Variants in SDK1 observed in about 807,000 individuals in gnomAD.
The protein encoded by SDK1 is sidekick cell adhesion molecule 1, also known as protein sidekick-1.
SDK1 carries 157 observed loss-of-function variants against 245.5 expected under a neutral mutation model. That is an observed-to-expected ratio of 0.64 (90% CI 0.56 to 0.73). SDK1 has a LOEUF of 0.73. Ranked by LOEUF, SDK1 falls within the 30% of genes least tolerant of loss-of-function variation. The probability of loss-of-function intolerance (pLI) is 0.00; values close to 1 mark genes in which losing one functional copy is unlikely to be tolerated. For missense variants in SDK1, 3,583 were observed against 3,002.3 expected (o/e 1.19, Z -4.52); for synonymous variants, 1,647 against 1,278.5 (o/e 1.29, Z -6.15).
At chr7:4,009,854 A>G (rs1309286164) in intron 14 of SDK1, among the ~76,000 whole-genome samples, 1 of 152,230 alleles carries the variant, frequency 6.6e-6, no homozygotes, top group African/African-American at 2.4e-5. Flanking sequence ...GGTGATTGGT[A>G]AGGAGCTGGA....
intron 30 of SDK1, among the ~76,000 whole-genome samples, chr7:4,158,089 G>T (rs569754381): frequency 4.6e-5 from 7 of 152,178 alleles, no homozygotes; most frequent in Non-Finnish European, 1.0e-4. Context: ...CCAGTGAGGG[G>T]TTGGCACTGC....
In SDK1 at chr7:4,145,906, C is replaced by G; in HGVS notation, c.4413C>G (p.Thr1471=). 1 of 1,606,696 alleles carries G rather than the reference C, an allele frequency of 6.2e-7. No homozygotes were observed. The highest frequency in any genetic ancestry group is 8.5e-7 in the Non-Finnish European group (1 of 1,176,806). The change falls in exon 29 of 45, where the codon ACC becomes ACG. Residue 1471 remains threonine, a synonymous_variant. Coordinates refer to ENST00000404826, the MANE Select transcript of SDK1 (RefSeq NM_152744.4). ...GEPLEATVIT[T]EKRERPAPPR... Reference sequence around the variant, plus strand: ...CACTGGAGGCCACCGTCATCACCACCGAGAAGAGAGGTAAGACCTTGGGGG... The same window carrying G: ...CACTGGAGGCCACCGTCATCACCACGGAGAAGAGAGGTAAGACCTTGGGGG...
At chr7:3,692,104 G>T (rs1236631367) in intron 4 of SDK1, among the ~76,000 whole-genome samples, 1 of 152,088 alleles carries the variant, frequency 6.6e-6, no homozygotes, top group African/African-American at 2.4e-5. Flanking sequence ...AATTGAGTTG[G>T]AAGACAGACA....
intron 5 of SDK1, among the ~76,000 whole-genome samples, chr7:3,833,998 T>G (rs1292550727): frequency 2.0e-5 from 3 of 152,180 alleles, no homozygotes; most frequent in African/African-American, 4.8e-5. Context: ...ATTTTGAATA[T>G]CATCTCAACC....
At chr7:3,323,309 T>C (rs2128548204) in intron 1 of SDK1, among the ~76,000 whole-genome samples, 1 of 152,324 alleles carries the variant, frequency 6.6e-6, no homozygotes, top group African/African-American at 2.4e-5. Context: ...CCAATACATG[T>C]TTGAGTGAAT....
At chr7:3,732,142 G>C (rs1034879608) in intron 4 of SDK1, among the ~76,000 whole-genome samples, 1 of 152,194 alleles carries the variant, frequency 6.6e-6, no homozygotes, top group African/African-American at 2.4e-5. Context: ...TGTTAGCAGT[G>C]ACTACACAGA....
At chr7:4,145,528 C>T (rs1190312595) in intron 28 of SDK1, among the ~76,000 whole-genome samples, 194 bp from the exon 29 acceptor site, 1 of 152,100 alleles carries the variant, frequency 6.6e-6, no homozygotes, top group Non-Finnish European at 1.5e-5. Context: ...AAACAAGCTT[C>T]ACAGGGAAAT....
At chr7:4,232,310 G>A (rs1278689890) in intron 40 of SDK1, among the ~76,000 whole-genome samples, 4 of 150,854 alleles carry the variant, frequency 2.7e-5, no homozygotes, top group East Asian at 1.9e-4. Context: ...TCTAGCTCCA[G>A]GCTCCAGCAC....
intron 12 of SDK1, among the ~76,000 whole-genome samples, chr7:3,974,053 A>G (rs1483116004): frequency 2.0e-5 from 3 of 151,840 alleles, no homozygotes; most frequent in Non-Finnish European, 2.9e-5. Context: ...GCATGGTGGC[A>G]TACATCTGTG....
At position 4,011,099 on chromosome 7, in the gene SDK1, C is replaced by G; in HGVS notation, c.2265C>G (p.Ser755Arg). ...AVNEVGRGQY[S>R]AETSRLMLPE... ...ATGAAGTGGGCAGGGGCCAGTACAG[C>G]GCCGAGACAAGCAGGTGCGTGAATC... is the stretch of plus-strand genomic sequence containing the variant. The change falls in exon 15 of 45, where the codon AGC (serine) becomes AGG (arginine). Residue 755 changes from serine (S) to arginine (R), a missense_variant. Ser to Arg is a moderately radical substitution (Grantham distance 110). Coordinates refer to ENST00000404826, the MANE Select transcript of SDK1 (RefSeq NM_152744.4). 6.2e-7 allele frequency: 1 copy of G among 1,613,562 alleles called. No homozygotes were observed. The highest frequency in any genetic ancestry group is 1.3e-5 in the African/African-American group (1 of 75,006).
At chr7:3,803,908 G>A (rs1014077657) in intron 4 of SDK1, among the ~76,000 whole-genome samples, 1 of 151,882 alleles carries the variant, frequency 6.6e-6, no homozygotes, top group African/African-American at 2.4e-5. Context: ...GGGACTACAG[G>A]CACCCGCCAC....
At position 4,074,916 on chromosome 7, in the gene SDK1, ATTT is replaced by A. The variant is rs55899344; in HGVS notation, c.3011-2069_3011-2067del. Among the ~76,000 whole-genome samples, 49 of 64,598 alleles carry A rather than the reference ATTT, an allele frequency of 7.6e-4. 1 individual carries two copies. Among genetic ancestry groups the A allele is most frequent in the African/African-American group, 3.8e-3 (32 of 8,474 alleles). 42.4% of individuals were successfully genotyped at this position (64,598 alleles called of 152,430 possible). A position where few individuals can be genotyped will look rare whatever the true frequency, so the allele number is the denominator to read the frequency against. On this transcript the variant is annotated intron_variant, in intron 20 of 44. Coordinates refer to ENST00000404826, the MANE Select transcript of SDK1 (RefSeq NM_152744.4). ...TATATATATATATATATATATATATATTTTTTTTTTTTTTTAATAAAGTTAGGA... is the reference window on the plus strand; with the variant it reads ...TATATATATATATATATATATATATATTTTTTTTTTTTAATAAAGTTAGGA...
intron 1 of SDK1, among the ~76,000 whole-genome samples, chr7:3,336,294 G>A (rs1409468531): frequency 6.6e-6 from 1 of 152,232 alleles, no homozygotes; most frequent in African/African-American, 2.4e-5. Flanking sequence ...CTGCCTGGCA[G>A]AAGCAGGTGG....
At chr7:3,412,830 C>G (rs1051164804) in intron 1 of SDK1, among the ~76,000 whole-genome samples, 1 of 152,134 alleles carries the variant, frequency 6.6e-6, no homozygotes, top group African/African-American at 2.4e-5. Flanking sequence ...GGAATGTGAC[C>G]TTCCTAATGC....
intron 1 of SDK1, among the ~76,000 whole-genome samples, chr7:3,331,399 A>G (rs1392928781): frequency 6.6e-6 from 1 of 152,210 alleles, no homozygotes; most frequent in African/African-American, 2.4e-5. Context: ...ATGGCTAATA[A>G]TGTTGAGCAT....
intron 30 of SDK1, among the ~76,000 whole-genome samples, chr7:4,153,850 A>G (rs1035422450): frequency 6.7e-6 from 1 of 148,784 alleles, no homozygotes; most frequent in Non-Finnish European, 1.5e-5. Flanking sequence ...CTAATGTTTA[A>G]TTTTTTTTTT....
intron 7 of SDK1, among the ~76,000 whole-genome samples, chr7:3,957,125 G>C (rs1781331750): frequency 6.6e-6 from 1 of 152,202 alleles, no homozygotes; most frequent in Non-Finnish European, 1.5e-5. Flanking sequence ...TTCTTGAAAT[G>C]ACAAACCTAC....
At chr7:4,209,279 G>A (rs2128227972) in intron 37 of SDK1, among the ~76,000 whole-genome samples, 1 of 152,320 alleles carries the variant, frequency 6.6e-6, no homozygotes, top group South Asian at 2.1e-4. Flanking sequence ...TGGAGGGAGG[G>A]CAGAGAGGGA....
chr7:3,543,409 C>T (rs1195681854), intron 1 of SDK1, among the ~76,000 whole-genome samples: 4 of 152,238 alleles, frequency 2.6e-5, no homozygotes, highest in Non-Finnish European at 5.9e-5. Flanking sequence ...GCCATTCTTA[C>T]TAAAGAGATG....
Sources: gnomAD v4.1 joint callset for allele counts (sites outside exome capture counted in the v4.1 genomes callset) on GRCh38, gnomAD v4.1.1 for gene constraint, MANE v1.5 for transcripts, NCBI Gene and HGNC (gene_info 2026-07-23, HGNC 2026-07-21) for gene names.